The following ACACA variants were observed in gnomAD, a reference collection of about 807,000 sequenced individuals.
The protein encoded by ACACA is acetyl-CoA carboxylase 1.
ACACA carries 103 observed loss-of-function variants against 296.1 expected under a neutral mutation model. The observed-to-expected ratio is 0.35, with a 90% CI of 0.30 to 0.41. The LOEUF (loss-of-function observed/expected upper bound fraction) is 0.41, where lower values mean the gene tolerates loss of function less well. ACACA is among the 10% of genes least tolerant of loss of function. ACACA has a pLI of 1.00. For synonymous variants in ACACA, 953 were observed against 1,038.6 expected (o/e 0.92, Z 1.58); for missense variants, 1,554 against 2,989.7 (o/e 0.52, Z 11.20).
At chr17:37,131,654 G>C (rs943355961) in intron 45 of ACACA, among the ~76,000 whole-genome samples, 2 of 152,184 alleles carry the variant, frequency 1.3e-5, no homozygotes, top group African/African-American at 4.8e-5. Flanking sequence ...AGGTTCCCCT[G>C]CATGCTGGGT....
At chr17:37,206,740 T>G (rs777941814) in intron 32 of ACACA, 43 bp downstream of exon 32, 1 of 1,464,692 alleles carries the variant, frequency 6.8e-7, no homozygotes, top group Admixed American at 1.7e-5. Context: ...AGAAGTCCCA[T>G]GTCTGAGGGG....
intron 1 of ACACA, among the ~76,000 whole-genome samples, chr17:37,352,727 C>T (rs547498991): frequency 7.9e-6 from 1 of 126,026 alleles, no homozygotes; most frequent in Non-Finnish European, 1.7e-5. Flanking sequence ...GAGACCTTAT[C>T]AAAAAAAAAA....
Position 37,270,774 on chromosome 17 carries a change from C to G in ACACA, c.1096G>C (p.Asp366His). 6.2e-7 allele frequency: 1 copy of G among 1,613,780 alleles called. No individual in the cohort carries two copies. Among genetic ancestry groups the G allele is most frequent in the Non-Finnish European group, 8.5e-7 (1 of 1,179,786 alleles). ...KGIRKVNNAD[D>H]FPNLFRQVQA... Reference sequence around the variant, plus strand: ...ACCTGTCTGAAGAGATTAGGGAAGTCATCTGCATTGTTGACTTTTCTAATT... The same window carrying G: ...ACCTGTCTGAAGAGATTAGGGAAGTGATCTGCATTGTTGACTTTTCTAATT... The change falls in exon 10 of 56, where the codon GAC becomes CAC. Residue 366 changes from aspartate (D) to histidine (H), a missense_variant. This residue lies in a region of ACACA where 82 missense variants were observed against 185.2 expected (regional missense o/e 0.44). Coordinates refer to ENST00000616317, the MANE Select transcript of ACACA (RefSeq NM_198834.3).
intron 1 of ACACA, among the ~76,000 whole-genome samples, chr17:37,381,776 C>T (rs553701995): frequency 5.3e-4 from 81 of 151,696 alleles, no homozygotes; most frequent in South Asian, 8.3e-4. Flanking sequence ...TACAGGCACT[C>T]GCCACCACAC....
intron 2 of ACACA, among the ~76,000 whole-genome samples, chr17:37,335,751 C>T (rs1010998284): frequency 3.3e-5 from 5 of 152,156 alleles, no homozygotes; most frequent in African/African-American, 4.8e-5. Context: ...TGGAATGGGT[C>T]GCTGATACCC....
rs1951716407 is a variant in ACACA, at chr17:37,121,405, A to T, written c.6224T>A (p.Leu2075Gln). 1 of 1,614,076 alleles carries T rather than the reference A, an allele frequency of 6.2e-7. No individual in the cohort carries two copies. The highest frequency in any genetic ancestry group is 1.7e-5 in the Admixed American group (1 of 60,000). ...QAIKDFNREGLPLMVFANWRG... is the reference protein window; with the variant it reads ...QAIKDFNREGQPLMVFANWRG... ...CCAGTTGGCAAAGACCATCAGAGGC[A>T]GCCCTTCCCGGTTGAAGTCCTTGAT... The change falls in exon 50 of 56, where the codon CTG (leucine) becomes CAG (glutamine). Residue 2075 changes from leucine to glutamine, a missense_variant. By Grantham distance (113) the Leu-to-Gln change is moderately radical. This residue lies in a region of ACACA where 553 missense variants were observed against 1,043.6 expected (regional missense o/e 0.53). Coordinates refer to ENST00000616317, the MANE Select transcript of ACACA (RefSeq NM_198834.3).
At chr17:37,406,209 G>T in intron 1 of ACACA, 53 bp downstream of exon 1, 1 of 1,587,734 alleles carries the variant, frequency 6.3e-7, no homozygotes, top group Non-Finnish European at 8.6e-7. Context: ...CTCGACAAAT[G>T]GTAGCTATTA....
At chr17:37,273,305 CTATT>C (rs1242844348) in intron 9 of ACACA, among the ~76,000 whole-genome samples, 1 of 152,084 alleles carries the variant, frequency 6.6e-6, no homozygotes, top group Non-Finnish European at 1.5e-5. Context: ...ACACTTTAAA[CTATT>C]TATAAAAGTG....
chr17:37,089,871 T>C (rs995203228), intron 54 of ACACA, among the ~76,000 whole-genome samples: 1 of 152,194 alleles, frequency 6.6e-6, no homozygotes, highest in Non-Finnish European at 1.5e-5. Flanking sequence ...TCTTTACAAA[T>C]CATTTAGGAA....
At chr17:37,123,937 T>C (rs769187197) in intron 48 of ACACA, among the ~76,000 whole-genome samples, 11 of 152,214 alleles carry the variant, frequency 7.2e-5, no homozygotes, top group Non-Finnish European at 1.6e-4. Flanking sequence ...CAGAACAACT[T>C]CTGTTTTCTA....
chr17:37,245,017 C>A lies in ACACA; in HGVS notation c.2595+63G>T, dbSNP rs1414679886. On this transcript the variant is annotated intron_variant, in intron 20 of 55. Coordinates refer to ENST00000616317, the MANE Select transcript of ACACA (RefSeq NM_198834.3). ...CAAACCAAGCATTGAAATCACTTGC[C>A]TCTCCAAACCACCAAGTTCTTTAGC... 9 of 1,610,524 alleles carry A rather than the reference C, an allele frequency of 5.6e-6. No homozygotes were observed. In the East Asian group the frequency reaches 2.0e-4, roughly 36 times the overall value.
intron 39 of ACACA, among the ~76,000 whole-genome samples, chr17:37,185,060 G>A (rs768077539): frequency 2.0e-5 from 3 of 152,100 alleles, no homozygotes; most frequent in Non-Finnish European, 2.9e-5. Context: ...GCCTAAGGCC[G>A]GGGTTGGTGC....
chr17:37,098,470 T>A (rs1336417894), intron 52 of ACACA, among the ~76,000 whole-genome samples: 2 of 152,252 alleles, frequency 1.3e-5, no homozygotes, highest in Non-Finnish European at 2.9e-5. Context: ...TCCGTGTACA[T>A]GCGAGTTATC....
intron 54 of ACACA, among the ~76,000 whole-genome samples, chr17:37,093,273 G>C (rs2072765264): frequency 6.6e-6 from 1 of 152,160 alleles, no homozygotes; most frequent in Non-Finnish European, 1.5e-5. Context: ...GTAGCTGTGT[G>C]AACAATAAGA....
intron 1 of ACACA, chr17:37,388,749 T>C (rs2147788091): frequency 1.9e-6 from 3 of 1,613,088 alleles, no homozygotes; most frequent in Non-Finnish European, 2.5e-6. Flanking sequence ...TGTTGCTCAG[T>C]GGAGTTGCCA....
chr17:37,383,264 T>C (rs995315227), intron 1 of ACACA, among the ~76,000 whole-genome samples: 3 of 152,088 alleles, frequency 2.0e-5, no homozygotes, highest in African/African-American at 4.8e-5. Context: ...CATTAGCTCT[T>C]AGAAATTGGG....
At chr17:37,136,311 A>C (rs1239977526) in intron 45 of ACACA, among the ~76,000 whole-genome samples, 1 of 152,142 alleles carries the variant, frequency 6.6e-6, no homozygotes, top group Admixed American at 6.5e-5. Context: ...CATACAGTAC[A>C]TAGCCTTTTG....
chr17:37,106,683 G>A (rs1597834561), intron 52 of ACACA, among the ~76,000 whole-genome samples: 1 of 152,176 alleles, frequency 6.6e-6, no homozygotes, highest in Non-Finnish European at 1.5e-5. Context: ...GTAGAAATAT[G>A]CCTCTGTAGT....
Position 37,110,153 on chromosome 17 carries a change from G to A in ACACA, c.6565+1378C>T, listed in dbSNP as rs548471626. Among the ~76,000 whole-genome samples the A allele has an allele frequency of 2.6e-4, 40 of 152,352 alleles. No homozygotes were observed. In the South Asian group the frequency reaches 7.0e-3, roughly 27 times the overall value. On this transcript the variant is annotated intron_variant, in intron 52 of 55. Coordinates refer to ENST00000616317, the MANE Select transcript of ACACA (RefSeq NM_198834.3). The stretch of plus-strand genomic sequence containing the variant: ...GCAATTTGCTGTGTCCTGCAATTGC[G>A]GCATTGCTGCCTTTGTATGGAATTA...
Sources: allele counts gnomAD v4.1 joint callset (sites outside exome capture counted in the v4.1 genomes callset), GRCh38; gene constraint gnomAD v4.1.1; regional missense constraint gnomAD v4.1.1; transcripts MANE v1.5; gene names NCBI Gene and HGNC (gene_info 2026-07-23, HGNC 2026-07-21).